Variants in LINGO2 observed in about 807,000 individuals in gnomAD.
LINGO2 encodes the protein leucine-rich repeat and immunoglobulin-like domain-containing nogo receptor-interacting protein 2.
Under a neutral mutation model 30.6 loss-of-function variants are expected in LINGO2, and 14 were observed. That is an observed-to-expected ratio of 0.46 (90% CI 0.30 to 0.72). The LOEUF (loss-of-function observed/expected upper bound fraction) is 0.72. Among genes scored for constraint, LINGO2 ranks in the 30% least tolerant of loss-of-function variants. LINGO2 has a pLI of 0.07. For synonymous variants in LINGO2, 317 were observed against 288.5 expected, an observed-to-expected ratio of 1.10 and a Z score of -1.00; for missense variants, 729 against 751.7, an observed-to-expected ratio of 0.97 and a Z score of 0.35.
chr9:28,751,628 TACTCTAAAC>T, the LINGO2 span, among the ~76,000 whole-genome samples: 3 of 152,098 alleles, frequency 2.0e-5, no homozygotes, highest in Non-Finnish European at 4.4e-5. Flanking sequence ...TATGTGATGC[TACTCTAAAC>T]AATAATTATT....
chr9:29,164,044 A>C, the LINGO2 span, among the ~76,000 whole-genome samples: 2 of 151,908 alleles, frequency 1.3e-5, no homozygotes, highest in Non-Finnish European at 2.9e-5. Context: ...TTAGTATGCT[A>C]CTGAAAGGAA....
chr9:28,364,800 A>C (rs1490642106), intron 3 of LINGO2, among the ~76,000 whole-genome samples: 1 of 152,212 alleles, frequency 6.6e-6, no homozygotes, highest in Non-Finnish European at 1.5e-5. Flanking sequence ...ATGCTTACTG[A>C]AGCTTTCTTT....
At chr9:28,866,567 G>C in the LINGO2 span, among the ~76,000 whole-genome samples, 1 of 152,004 alleles carries the variant, frequency 6.6e-6, no homozygotes, top group South Asian at 2.1e-4. Context: ...CCAACACCCA[G>C]GGCACCCAGG....
At chr9:28,273,722 A>G (rs759145550) in intron 4 of LINGO2, among the ~76,000 whole-genome samples, 12 of 152,230 alleles carry the variant, frequency 7.9e-5, no homozygotes, top group Non-Finnish European at 1.2e-4. Context: ...CAGGGAAGAA[A>G]AGAAATACAA....
At chr9:28,524,156 A>C (rs1419902059) in intron 1 of LINGO2, among the ~76,000 whole-genome samples, 1 of 152,190 alleles carries the variant, frequency 6.6e-6, no homozygotes, top group Non-Finnish European at 1.5e-5. Flanking sequence ...CAAAGGGGCC[A>C]AGATAATTAA....
At chr9:28,306,255 G>A (rs963256766) in intron 3 of LINGO2, among the ~76,000 whole-genome samples, 15 of 152,112 alleles carry the variant, frequency 9.9e-5, no homozygotes, top group Middle Eastern at 3.4e-3. Flanking sequence ...CTTAAAACAT[G>A]TTTAAATATT....
chr9:28,944,279 TA>T, the LINGO2 span, among the ~76,000 whole-genome samples: 24 of 152,196 alleles, frequency 1.6e-4, no homozygotes. Context: ...TGCATTGTTT[TA>T]GGTAACATCA....
At position 28,629,929 on chromosome 9, in the gene LINGO2, G is replaced by A. The variant is rs62547114; in HGVS notation, c.-365+40271C>T. On this transcript the variant is annotated intron_variant, in intron 1 of 5. Coordinates refer to ENST00000379992, the Ensembl canonical transcript of LINGO2. ...CGATGCTATCCCTCCCCCATCCCCC[G>A]ACCCCACAACAGTCCCCAGAGTGTG... is the stretch of plus-strand genomic sequence containing the variant. 5.7e-5 allele frequency among the ~76,000 whole-genome samples: 8 copies of A among 140,714 alleles called. No individual in the cohort carries two copies. In the East Asian group the frequency reaches 1.8e-3, roughly 32 times the overall value. 92.3% of individuals were successfully genotyped at this position (140,714 alleles called of 152,430 possible).
chr9:29,084,296 C>T, the LINGO2 span, among the ~76,000 whole-genome samples: 2 of 151,964 alleles, frequency 1.3e-5, no homozygotes, highest in Non-Finnish European at 2.9e-5. Flanking sequence ...TGACCATCAA[C>T]CAAAAAGAGT....
intron 4 of LINGO2, among the ~76,000 whole-genome samples, chr9:28,160,982 C>T (rs913178530): frequency 6.6e-6 from 1 of 152,118 alleles, no homozygotes; most frequent in African/African-American, 2.4e-5. Context: ...CAATTTTGAC[C>T]TCTCCAGTGG....
chr9:28,771,178 C>G, the LINGO2 span, among the ~76,000 whole-genome samples: 2 of 151,952 alleles, frequency 1.3e-5, no homozygotes, highest in South Asian at 2.1e-4. Flanking sequence ...ATAGGTCAGT[C>G]GTAAGATCCC....
rs1372820806 is a variant in LINGO2, at chr9:28,311,149, C to T, written c.-245-15783G>A. ...CATGTCAGCAGGTTCTGTGATGCCC[C>T]CCGAGCCATAAAACCAGCAAGTTTT... On this transcript the variant is annotated intron_variant, in intron 3 of 5. Coordinates refer to ENST00000379992, the Ensembl canonical transcript of LINGO2. 4.6e-5 allele frequency among the ~76,000 whole-genome samples: 7 copies of T among 152,016 alleles called. No homozygotes were observed. In the South Asian group the frequency reaches 1.2e-3, roughly 27 times the overall value.
intron 4 of LINGO2, among the ~76,000 whole-genome samples, chr9:28,181,664 T>C (rs901623165): frequency 5.3e-5 from 8 of 152,170 alleles, no homozygotes; most frequent in African/African-American, 1.9e-4. Context: ...TACAGCTCAT[T>C]GAAAGACTGT....
At chr9:29,173,839 G>A in the LINGO2 span, among the ~76,000 whole-genome samples, 263 of 151,908 alleles carry the variant, frequency 1.7e-3, 3 homozygotes, top group Middle Eastern at 0.024. Context: ...TTCATCTAAG[G>A]CAAGAAGTAA....
intron 4 of LINGO2, among the ~76,000 whole-genome samples, chr9:28,035,160 T>C (rs939682514): frequency 6.6e-5 from 10 of 152,224 alleles, no homozygotes; most frequent in African/African-American, 2.4e-4. Flanking sequence ...TTTGGTACCA[T>C]GGTCTGGAGT....
chr9:28,922,114 A>C, the LINGO2 span, among the ~76,000 whole-genome samples: 1 of 152,174 alleles, frequency 6.6e-6, no homozygotes, highest in Non-Finnish European at 1.5e-5. Flanking sequence ...ACATTTCTGC[A>C]TATCCTCTTT....
At chr9:28,962,906 A>G in the LINGO2 span, among the ~76,000 whole-genome samples, 1 of 151,976 alleles carries the variant, frequency 6.6e-6, no homozygotes, top group African/African-American at 2.4e-5. Flanking sequence ...AACTTTACTC[A>G]TTTGAAATAT....
chr9:29,058,255 A>C, the LINGO2 span, among the ~76,000 whole-genome samples: 1 of 152,138 alleles, frequency 6.6e-6, no homozygotes, highest in African/African-American at 2.4e-5. Context: ...AGAGAATTGA[A>C]AAATGTAAAA....
At chr9:28,357,378 T>C (rs1337357736) in intron 3 of LINGO2, among the ~76,000 whole-genome samples, 1 of 147,242 alleles carries the variant, frequency 6.8e-6, no homozygotes, top group East Asian at 2.2e-4. Context: ...ACAATTCTAT[T>C]ATATGGTCTA....
Sources: gnomAD v4.1 joint callset for allele counts (sites outside exome capture counted in the v4.1 genomes callset) on GRCh38, gnomAD v4.1.1 for gene constraint, MANE v1.5 for transcripts, NCBI Gene and HGNC (gene_info 2026-07-23, HGNC 2026-07-21) for gene names.